NKAIN3: variants seen among roughly 807,000 people sequenced by gnomAD.
NKAIN3 encodes the protein sodium/potassium-transporting ATPase subunit beta-1-interacting protein 3.
NKAIN3 carries 25 observed loss-of-function variants against 30.2 expected under a neutral mutation model. The ratio of observed to expected loss-of-function variants is 0.83; its 90% CI spans 0.60 to 1.16. NKAIN3 has a LOEUF of 1.16. NKAIN3 is among the 50% of genes most tolerant of loss of function. NKAIN3 has a pLI of 0.00. For missense variants in NKAIN3, 225 were observed against 254.1 expected (o/e 0.89, Z 0.78); for synonymous variants, 91 against 89.6 (o/e 1.02, Z -0.09).
At chr8:62,922,273 G>A (rs1381814582) in intron 5 of NKAIN3, among the ~76,000 whole-genome samples, 1 of 152,124 alleles carries the variant, frequency 6.6e-6, no homozygotes, top group African/African-American at 2.4e-5. Context: ...TAATGTTCAT[G>A]TATTTACCTG....
chr8:62,807,372 A>G (rs1669280010), intron 4 of NKAIN3, among the ~76,000 whole-genome samples: 1 of 152,122 alleles, frequency 6.6e-6, no homozygotes, highest in African/African-American at 2.4e-5. Flanking sequence ...ATGGAATTAC[A>G]TGTAGATTAC....
At chr8:62,643,615 C>T (rs1812374860) in intron 3 of NKAIN3, among the ~76,000 whole-genome samples, 1 of 152,070 alleles carries the variant, frequency 6.6e-6, no homozygotes, top group Non-Finnish European at 1.5e-5. Context: ...CTGTGGATTC[C>T]CTGTCTCAGA....
At chr8:62,744,567 T>C (rs1021159462) in intron 3 of NKAIN3, among the ~76,000 whole-genome samples, 9 of 152,340 alleles carry the variant, frequency 5.9e-5, no homozygotes, top group Admixed American at 5.2e-4. Context: ...TGCTAGTTCA[T>C]CTCGAACCTG....
chr8:62,997,522 C>A (rs1420044602), intron 5 of NKAIN3, among the ~76,000 whole-genome samples: 2 of 152,060 alleles, frequency 1.3e-5, no homozygotes, highest in African/African-American at 4.8e-5. Flanking sequence ...TCATGATTCA[C>A]TTGAGGGTCA....
chr8:62,704,324 AT>A (rs1382465967), intron 3 of NKAIN3, among the ~76,000 whole-genome samples: 11 of 152,078 alleles, frequency 7.2e-5, no homozygotes, highest in Non-Finnish European at 1.3e-4. Context: ...TTTTTATAGT[AT>A]TTTAATCCTC....
chr8:62,992,385 C>T (rs920509468), intron 5 of NKAIN3, among the ~76,000 whole-genome samples: 11 of 152,008 alleles, frequency 7.2e-5, no homozygotes, highest in Non-Finnish European at 1.5e-4. Context: ...GGGGATGCCC[C>T]TCTCTATGTT....
At chr8:62,284,355 C>T (rs754993805) in intron 1 of NKAIN3, among the ~76,000 whole-genome samples, 2 of 152,014 alleles carry the variant, frequency 1.3e-5, no homozygotes, top group South Asian at 2.1e-4. Flanking sequence ...TGTACCCAGG[C>T]GCGGTGGCTT....
intron 2 of NKAIN3, among the ~76,000 whole-genome samples, chr8:62,581,674 C>A (rs149985921): frequency 6.6e-6 from 1 of 152,278 alleles, no homozygotes; most frequent in East Asian, 1.9e-4. Context: ...GCCTGATGTA[C>A]TTGACCAAAC....
In NKAIN3 at chr8:62,476,193, CA is replaced by C. The variant is rs143833320; in HGVS notation, c.55-103345del. Among the ~76,000 whole-genome samples, 739 of 152,120 alleles carry C rather than the reference CA, an allele frequency of 4.9e-3. 19 individuals carry two copies. In the East Asian group the frequency reaches 0.077, roughly 16 times the overall value. On this transcript the variant is annotated intron_variant, in intron 1 of 6. Coordinates refer to ENST00000623646, the MANE Select transcript of NKAIN3 (RefSeq NM_001304533.3). Reference sequence around the variant, plus strand: ...AGTAAGAAGGCTTAAGTTTTATGACCATGGCATATATTTCAAGGGAATGTAG... The same window carrying C: ...AGTAAGAAGGCTTAAGTTTTATGACCTGGCATATATTTCAAGGGAATGTAG...
At chr8:62,447,104 T>A (rs1805508579) in intron 1 of NKAIN3, among the ~76,000 whole-genome samples, 1 of 152,030 alleles carries the variant, frequency 6.6e-6, no homozygotes, top group Admixed American at 6.6e-5. Context: ...CAATTTATCA[T>A]CCAAACCAGG....
At chr8:62,643,307 A>G (rs1469776162) in intron 3 of NKAIN3, among the ~76,000 whole-genome samples, 1 of 152,174 alleles carries the variant, frequency 6.6e-6, no homozygotes, top group Non-Finnish European at 1.5e-5. Context: ...CATAACTTAA[A>G]GAGGTGAAGA....
chr8:62,453,566 T>C (rs1323256795), intron 1 of NKAIN3, among the ~76,000 whole-genome samples: 1 of 151,964 alleles, frequency 6.6e-6, no homozygotes, highest in Non-Finnish European at 1.5e-5. Flanking sequence ...ATGAAAACCA[T>C]ACAAAAGATC....
intron 1 of NKAIN3, among the ~76,000 whole-genome samples, chr8:62,459,073 A>AG (rs1554533959): frequency 6.6e-6 from 1 of 151,020 alleles, no homozygotes. Flanking sequence ...AAAAAAAAAA[A>AG]GCCTAGCAAG....
At chr8:62,494,192 T>C (rs1807160232) in intron 1 of NKAIN3, among the ~76,000 whole-genome samples, 1 of 152,108 alleles carries the variant, frequency 6.6e-6, no homozygotes, top group South Asian at 2.1e-4. Flanking sequence ...TGTGGTATGT[T>C]CCTTCAATAA....
intron 3 of NKAIN3, among the ~76,000 whole-genome samples, chr8:62,637,641 C>G (rs1440952866): frequency 6.6e-6 from 1 of 152,094 alleles, no homozygotes; most frequent in African/African-American, 2.4e-5. Context: ...TACTAGAATT[C>G]CTGGGCATTT....
chr8:62,827,189 A>G (rs1267428891), intron 4 of NKAIN3, among the ~76,000 whole-genome samples: 1 of 152,186 alleles, frequency 6.6e-6, no homozygotes, highest in African/African-American at 2.4e-5. Context: ...GTAGAATTGT[A>G]CCCATGCTAT....
At chr8:62,668,346 C>T (rs953507810) in intron 3 of NKAIN3, among the ~76,000 whole-genome samples, 2 of 152,150 alleles carry the variant, frequency 1.3e-5, no homozygotes, top group African/African-American at 4.8e-5. Context: ...GGAAAGGATC[C>T]TTAAAGGCTT....
chr8:62,285,635 T>C (rs1813357286), intron 1 of NKAIN3, among the ~76,000 whole-genome samples: 2 of 152,122 alleles, frequency 1.3e-5, no homozygotes, highest in African/African-American at 4.8e-5. Context: ...GCATAGCTGG[T>C]ATTGGTCCCC....
intron 4 of NKAIN3, among the ~76,000 whole-genome samples, chr8:62,791,765 A>T (rs1318134500): frequency 1.3e-5 from 2 of 152,046 alleles, no homozygotes; most frequent in Admixed American, 6.6e-5. Flanking sequence ...AAAAACTATT[A>T]TCCATCTTCA....
Sources: gnomAD v4.1 joint callset for allele counts (sites outside exome capture counted in the v4.1 genomes callset) on GRCh38, gnomAD v4.1.1 for gene constraint, MANE v1.5 for transcripts, NCBI Gene and HGNC (gene_info 2026-07-23, HGNC 2026-07-21) for gene names.